HTR1E: variants seen among roughly 807,000 people sequenced by gnomAD.
HTR1E encodes the protein 5-hydroxytryptamine receptor 1E.
A neutral mutation model predicts 3.4 loss-of-function variants in HTR1E; 3 were observed. The observed-to-expected ratio is 0.89, with a 90% CI of 0.41 to 2.31. The LOEUF (loss-of-function observed/expected upper bound fraction) is 2.31. Ranked by LOEUF, HTR1E falls within the 30% of genes most tolerant of loss-of-function variation. The probability of loss-of-function intolerance (pLI) is 0.05; values close to 1 mark genes in which losing one functional copy is unlikely to be tolerated. For missense variants in HTR1E, 392 were observed against 467.0 expected (o/e 0.84, Z 1.48); for synonymous variants, 170 against 182.8 (o/e 0.93, Z 0.56).
chr6:87,001,225 A>G (rs1163465258), intron 1 of HTR1E, among the ~76,000 whole-genome samples: 3 of 152,196 alleles, frequency 2.0e-5, no homozygotes, highest in African/African-American at 7.2e-5. Flanking sequence ...TGCCAAAAGG[A>G]AGACAGAAAG....
At chr6:86,994,292 CAAAT>C (rs940097281) in intron 1 of HTR1E, among the ~76,000 whole-genome samples, 6 of 151,892 alleles carry the variant, frequency 4.0e-5, no homozygotes, top group African/African-American at 1.5e-4. Context: ...GAGCAAACCA[CAAAT>C]ATAATAAGTC....
chr6:87,004,156 CACT>C (rs1768068951), intron 1 of HTR1E, among the ~76,000 whole-genome samples: 1 of 152,178 alleles, frequency 6.6e-6, no homozygotes, highest in Admixed American at 6.5e-5. Flanking sequence ...GTGATGACTT[CACT>C]GCTCGATTTT....
chr6:86,964,335 G>T (rs1395535783), intron 1 of HTR1E, among the ~76,000 whole-genome samples: 2 of 152,164 alleles, frequency 1.3e-5, no homozygotes, highest in Non-Finnish European at 2.9e-5. Context: ...AGTACTAAGT[G>T]CATGAATATG....
At chr6:86,967,033 C>A (rs947109010) in intron 1 of HTR1E, among the ~76,000 whole-genome samples, 1 of 152,022 alleles carries the variant, frequency 6.6e-6, no homozygotes, top group Non-Finnish European at 1.5e-5. Flanking sequence ...TTTATCTCAG[C>A]CCCCATGTAC....
At chr6:87,010,385 C>T (rs1315131488) in intron 1 of HTR1E, among the ~76,000 whole-genome samples, 1 of 145,784 alleles carries the variant, frequency 6.9e-6, no homozygotes, top group Non-Finnish European at 1.5e-5. Flanking sequence ...CATCTCCCTC[C>T]CGGACGGGGT....
intron 1 of HTR1E, among the ~76,000 whole-genome samples, chr6:86,962,467 C>G (rs1582262319): frequency 1.3e-5 from 2 of 152,182 alleles, no homozygotes; most frequent in East Asian, 3.8e-4. Flanking sequence ...TAGTGCCATC[C>G]TAACATCATG....
intron 1 of HTR1E, among the ~76,000 whole-genome samples, chr6:86,963,906 C>T (rs1287253442): frequency 6.6e-6 from 1 of 152,150 alleles, no homozygotes; most frequent in African/African-American, 2.4e-5. Context: ...TTATTAAGCA[C>T]CTATTATATG....
At chr6:86,980,625 C>T (rs11962946) in intron 1 of HTR1E, among the ~76,000 whole-genome samples, 21,196 of 152,054 alleles carry the variant, frequency 0.14, 1,825 homozygotes, top group East Asian at 0.27. Flanking sequence ...TCATCATACT[C>T]TATGTTGACA....
At chr6:86,948,992 A>C (rs1003279265) in intron 1 of HTR1E, among the ~76,000 whole-genome samples, 2 of 152,214 alleles carry the variant, frequency 1.3e-5, no homozygotes, top group Non-Finnish European at 2.9e-5. Flanking sequence ...CCTGTGCCTG[A>C]TCTACACTTG....
At chr6:86,966,811 G>A (rs1160407393) in intron 1 of HTR1E, among the ~76,000 whole-genome samples, 4 of 152,048 alleles carry the variant, frequency 2.6e-5, no homozygotes, top group South Asian at 2.1e-4. Context: ...ACAAATGTGC[G>A]TTTTCATTAC....
intron 1 of HTR1E, among the ~76,000 whole-genome samples, chr6:86,969,408 TC>T (rs1391393719): frequency 2.0e-5 from 3 of 152,216 alleles, no homozygotes; most frequent in Admixed American, 2.0e-4. Context: ...TCAAGCTGCA[TC>T]ACATGAACTC....
chr6:86,961,612 G>C (rs1220566080), intron 1 of HTR1E, among the ~76,000 whole-genome samples: 2 of 152,332 alleles, frequency 1.3e-5, no homozygotes, highest in Admixed American at 1.3e-4. Context: ...TTGTTAGCCA[G>C]AGGTGTCTCC....
chr6:86,964,597 C>A (rs1170862230), intron 1 of HTR1E, among the ~76,000 whole-genome samples: 1 of 152,186 alleles, frequency 6.6e-6, no homozygotes, highest in Non-Finnish European at 1.5e-5. Flanking sequence ...CTAAGTTAAA[C>A]CTCTCTTTAT....
At chr6:87,010,064 C>T (rs1479619814) in intron 1 of HTR1E, among the ~76,000 whole-genome samples, 1 of 131,512 alleles carries the variant, frequency 7.6e-6, no homozygotes, top group Middle Eastern at 4.7e-3. Flanking sequence ...GGGGGGCTGA[C>T]CCCCCCACCT....
At chr6:87,010,190 A>AC (rs1768190682) in intron 1 of HTR1E, among the ~76,000 whole-genome samples, 2 of 54,664 alleles carry the variant, frequency 3.7e-5, no homozygotes, top group Non-Finnish European at 6.6e-5. Context: ...CGGGGGGCCG[A>AC]CCCCCCCACC....
chr6:86,962,572 T>A (rs1767423927), intron 1 of HTR1E, among the ~76,000 whole-genome samples: 1 of 152,190 alleles, frequency 6.6e-6, no homozygotes, highest in Non-Finnish European at 1.5e-5. Context: ...GTGCTGTGGC[T>A]CACACCTGTA....
chr6:86,983,302 C>T (rs1767738408), intron 1 of HTR1E, among the ~76,000 whole-genome samples: 1 of 151,398 alleles, frequency 6.6e-6, no homozygotes, highest in African/African-American at 2.5e-5. Context: ...AAGTTAGAAA[C>T]ATACATATCA....
intron 1 of HTR1E, among the ~76,000 whole-genome samples, chr6:86,949,356 CCTGCTG>C (rs548419411): frequency 1.4e-4 from 21 of 152,044 alleles, no homozygotes; most frequent in South Asian, 1.2e-3. Context: ...TAAGTGTGTC[CCTGCTG>C]CTGCTGCTGC....
At chr6:86,981,603 T>C (rs1439817898) in intron 1 of HTR1E, among the ~76,000 whole-genome samples, 4 of 152,226 alleles carry the variant, frequency 2.6e-5, no homozygotes, top group African/African-American at 9.6e-5. Flanking sequence ...ATGGAGCCAC[T>C]GCTGAGGCCA....
Sources: allele counts gnomAD v4.1 joint callset (sites outside exome capture counted in the v4.1 genomes callset), GRCh38; gene constraint gnomAD v4.1.1; transcripts MANE v1.5; gene names NCBI Gene and HGNC (gene_info 2026-07-23, HGNC 2026-07-21).